The following BTN3A2 variants were observed in gnomAD, a reference collection of about 807,000 sequenced individuals.
BTN3A2 encodes the protein butyrophilin subfamily 3 member A2.
BTN3A2 carries 25 observed loss-of-function variants against 37.6 expected under a neutral mutation model. The ratio of observed to expected loss-of-function variants is 0.66; its 90% CI spans 0.48 to 0.93. The LOEUF (loss-of-function observed/expected upper bound fraction) is 0.93, where lower values mean the gene tolerates loss of function less well. Ranked by LOEUF, BTN3A2 falls within the 40% of genes least tolerant of loss-of-function variation. The pLI is 0.00. For synonymous variants in BTN3A2, 122 were observed against 159.4 expected, an observed-to-expected ratio of 0.77 and a Z score of 1.77; for missense variants, 266 against 410.9, an observed-to-expected ratio of 0.65 and a Z score of 3.05.
At chr6:26,374,735 C>T in intron 9 of BTN3A2, 36 bp from the exon 10 acceptor site, 1 of 1,513,324 alleles carries the variant, frequency 6.6e-7, no homozygotes, top group South Asian at 1.1e-5. Flanking sequence ...TACAAAAATA[C>T]TGACCTTTTT....
rs560612660 is a variant in BTN3A2, at chr6:26,376,944, A to T, written c.*1182A>T. The T allele has an allele frequency of 2.7e-4, 427 of 1,607,530 alleles. 8 individuals carry two copies. In the South Asian group the frequency reaches 3.7e-3, roughly 14 times the overall value. ...TGAGCCTCCTAGGAAAGTGGGGGTCATCCTGGACTATGAGACTGGACATAT... is the reference window on the plus strand; with the variant it reads ...TGAGCCTCCTAGGAAAGTGGGGGTCTTCCTGGACTATGAGACTGGACATAT... On this transcript the variant is annotated 3_prime_UTR_variant, in exon 11 of 11. Coordinates refer to ENST00000377708, the MANE Select transcript of BTN3A2 (RefSeq NM_007047.5).
rs1433761506 is a variant in BTN3A2, at chr6:26,374,362, G to C, written c.1000G>C (p.Ala334Pro). 3 of 1,613,718 alleles carry C rather than the reference G, an allele frequency of 1.9e-6. No individual in the cohort carries two copies. The highest frequency in any genetic ancestry group is 2.5e-6 in the Non-Finnish European group (3 of 1,179,890). ...GTCTTCGTCCGATACCAATAAGTCA[G>C]CCTGATGCTCTGTAAGTTTGCTGGG... ...EESSSDTNKS[A>P] Residue 334 changes from alanine to proline, a missense_variant, in exon 9 of 11, where the codon GCC becomes CCC. Transcript: ENST00000377708.
intron 1 of BTN3A2, among the ~76,000 whole-genome samples, chr6:26,367,659 A>T (rs1759648322): frequency 6.6e-6 from 1 of 152,236 alleles, no homozygotes; most frequent in South Asian, 2.1e-4. Context: ...TTTGTGATTA[A>T]ACGTGGTGGG....
In BTN3A2 at chr6:26,377,365, C is replaced by G. The variant is rs1370616552; in HGVS notation, c.*1603C>G. 1 of 568,558 alleles carries G rather than the reference C, an allele frequency of 1.8e-6. No homozygotes were observed. The highest frequency in any genetic ancestry group is 3.2e-6 in the Non-Finnish European group (1 of 314,638). 35.2% of individuals were successfully genotyped at this position (568,558 alleles called of 1,614,324 possible). A position where few individuals can be genotyped will look rare whatever the true frequency, so the allele number is the denominator to read the frequency against. The stretch of plus-strand genomic sequence containing the variant: ...TTGAGTTTGGTGCCACCTTATTGGC[C>G]CCTTTATACAGATAAGGAAACTGGG... On this transcript the variant is annotated 3_prime_UTR_variant, in exon 11 of 11. Coordinates refer to ENST00000377708, the MANE Select transcript of BTN3A2 (RefSeq NM_007047.5).
intron 1 of BTN3A2, among the ~76,000 whole-genome samples, chr6:26,367,260 G>A (rs1042393575): frequency 2.0e-4 from 30 of 152,314 alleles, no homozygotes; most frequent in African/African-American, 7.2e-4. Flanking sequence ...CTTGTGAGTG[G>A]CTGGTTCAGT....
At chr6:26,368,314 A>G (rs1224770927) in intron 3 of BTN3A2, 47 bp downstream of exon 3, 6 of 1,590,910 alleles carry the variant, frequency 3.8e-6, no homozygotes, top group Non-Finnish European at 5.2e-6. Context: ...TGAAGCAGAC[A>G]ATTATCTCAA....
At chr6:26,373,623 C>T in intron 8 of BTN3A2, 1 of 507,296 alleles carries the variant, frequency 2.0e-6, no homozygotes. Flanking sequence ...TCTTCAATCT[C>T]TTTGTACTAG....
chr6:26,374,600 G>A, intron 9 of BTN3A2, 171 bp from the exon 10 acceptor site: 1 of 902,876 alleles, frequency 1.1e-6, no homozygotes, highest in Non-Finnish European at 1.7e-6. Context: ...AGCCAAGCCT[G>A]ACATTTTTGA....
Position 26,373,374 on chromosome 6 carries a change from C to T in BTN3A2, c.938-13C>T, listed in dbSNP as rs763318869. ...AGCACCTTGATGACTCTTCCCTGTT[C>T]ATTCCATTGCAGAGAGGAAAAAAAT... On this transcript the variant is annotated splice_polypyrimidine_tract_variant and intron_variant, in intron 7 of 10. Coordinates refer to ENST00000377708, the MANE Select transcript of BTN3A2 (RefSeq NM_007047.5). 5.0e-6 allele frequency: 8 copies of T among 1,596,764 alleles called. No homozygotes were observed. The African/African-American group carries it at 9.6e-5, about 19-fold the overall frequency.
chr6:26,374,068 C>T, intron 8 of BTN3A2: 1 of 436,222 alleles, frequency 2.3e-6, no homozygotes. Flanking sequence ...ATGAGCTGGA[C>T]CCCATTGGGA....
In BTN3A2 at chr6:26,374,181, C is replaced by CGTG. The variant is rs200325958; in HGVS notation, c.965-146_965-145insGTG. 6.4e-3 allele frequency: 3,321 copies of CGTG among 515,484 alleles called. 86 individuals are homozygous for CGTG. Among genetic ancestry groups the CGTG allele is most frequent in the African/African-American group, 0.057 (2,102 of 36,924 alleles). 31.9% of individuals were successfully genotyped at this position (515,484 alleles called of 1,614,324 possible). ...AAGAATTGTACCTGAAGATGGAGAC[C>CGTG]ATGGGGAAGGGTGGGATGGTAAAAA... On this transcript the variant is annotated intron_variant, in intron 8 of 10. Coordinates refer to ENST00000377708, the MANE Select transcript of BTN3A2 (RefSeq NM_007047.5).
chr6:26,374,625 T>C, intron 9 of BTN3A2, 146 bp from the exon 10 acceptor site: 1 of 1,010,862 alleles, frequency 9.9e-7, no homozygotes, highest in Non-Finnish European at 1.5e-6. Flanking sequence ...GTGCCACCTC[T>C]GATCCATCAG....
In BTN3A2 at chr6:26,372,936, T is replaced by C. The variant is rs766940767; in HGVS notation, c.755T>C (p.Leu252Pro). 2.5e-6 allele frequency: 4 copies of C among 1,614,128 alleles called. No individual in the cohort carries two copies. The highest frequency in any genetic ancestry group is 3.4e-6 in the Non-Finnish European group (4 of 1,180,042). Residue 252 changes from leucine to proline, a missense_variant, in exon 6 of 11, where the codon CTG (leucine) becomes CCG (proline). Leu to Pro is a moderately conservative substitution (Grantham distance 98). Transcript: ENST00000377708. ...FRSAQPWIAA[L>P]AGTLPILLLL... is the part of the protein sequence containing the mutation. ...AGCGCCCAGCCCTGGATCGCAGCCCTGGCAGGGACCCTGCCTATCTTGCTG... is the reference window on the plus strand; with the variant it reads ...AGCGCCCAGCCCTGGATCGCAGCCCCGGCAGGGACCCTGCCTATCTTGCTG...
rs1315100065 is a variant in BTN3A2 at position 26,374,839 on chromosome 6, G to A, written c.*34+41G>A. On this transcript the variant is annotated intron_variant, in intron 10 of 10. Coordinates refer to ENST00000377708, the MANE Select transcript of BTN3A2 (RefSeq NM_007047.5). ...CATGTTCCCTGGACCAACAACCTGA[G>A]GGACTATATTCCTTTTTCCTTTTTT... 4 of 1,491,860 alleles carry A rather than the reference G, an allele frequency of 2.7e-6. No individual in the cohort carries two copies. In the Admixed American group the frequency reaches 5.9e-5, roughly 22 times the overall value. 92.4% of individuals were successfully genotyped at this position (1,491,860 alleles called of 1,614,324 possible). A position where few individuals can be genotyped will look rare whatever the true frequency, so the allele number is the denominator to read the frequency against.
chr6:26,368,048 G>A lies in BTN3A2; in HGVS notation c.-8G>A, dbSNP rs919738225. 1 of 1,497,780 alleles carries A rather than the reference G, an allele frequency of 6.7e-7. No individual in the cohort carries two copies. The highest frequency in any genetic ancestry group is 8.9e-7 in the Non-Finnish European group (1 of 1,122,816). The allele number at this position is 1,497,780 out of a possible 1,614,324, so 92.8% of individuals were successfully genotyped here. ...CACTCAAGGACAGACATTTTTGGCA[G>A]AGGTAAGATCTTCTTCGGTCACCAT... On this transcript the variant is annotated splice_region_variant and 5_prime_UTR_variant, in exon 2 of 11. Coordinates refer to ENST00000377708, the MANE Select transcript of BTN3A2 (RefSeq NM_007047.5).
rs951687823 is a variant in BTN3A2, at chr6:26,377,622, C to T, written c.*1860C>T. On this transcript the variant is annotated 3_prime_UTR_variant, in exon 11 of 11. Transcript: ENST00000377708. ...CATTAAGTAGCTTACATAACTCACA[C>T]GGTAATTTGTGCAGTTGGGAGATGT... 6 of 190,714 alleles carry T rather than the reference C, an allele frequency of 3.1e-5. No homozygotes were observed. Among genetic ancestry groups the T allele is most frequent in the Non-Finnish European group, 5.5e-5 (5 of 90,470 alleles). The allele number at this position is 190,714 out of a possible 1,614,324, so 11.8% of individuals were successfully genotyped here.
chr6:26,369,926 A>G (rs1197824292), intron 4 of BTN3A2, among the ~76,000 whole-genome samples: 2 of 152,150 alleles, frequency 1.3e-5, no homozygotes, highest in African/African-American at 4.8e-5. Flanking sequence ...CTAGCAGACA[A>G]TCATAGGAGG....
At position 26,376,071 on chromosome 6, in the gene BTN3A2, G is replaced by T. The variant is rs1387047392; in HGVS notation, c.*309G>T. 5 of 397,752 alleles carry T rather than the reference G, an allele frequency of 1.3e-5. No individual in the cohort carries two copies. In the Admixed American group the frequency reaches 1.6e-4, roughly 13 times the overall value. The allele number at this position is 397,752 out of a possible 1,614,324, so 24.6% of individuals were successfully genotyped here. A position where few individuals can be genotyped will look rare whatever the true frequency, so the allele number is the denominator to read the frequency against. The stretch of plus-strand genomic sequence containing the variant: ...AATACAAAAAATAAAAAATTAGCCG[G>T]GCATGGTGACGGGCACCTGTAGTCC... On this transcript the variant is annotated 3_prime_UTR_variant, in exon 11 of 11. Transcript: ENST00000377708.
At chr6:26,374,920 T>A in intron 10 of BTN3A2, 122 bp downstream of exon 10, 6 of 1,011,156 alleles carry the variant, frequency 5.9e-6, no homozygotes, top group Non-Finnish European at 8.8e-6. Context: ...CCTTCGTGGG[T>A]AGGAAGACGC....
Sources: allele counts gnomAD v4.1 joint callset (sites outside exome capture counted in the v4.1 genomes callset), GRCh38; gene constraint gnomAD v4.1.1; transcripts MANE v1.5; gene names NCBI Gene and HGNC (gene_info 2026-07-23, HGNC 2026-07-21).